Variants in EMILIN2 observed in about 807,000 individuals in gnomAD.
The protein encoded by EMILIN2 is EMILIN-2.
EMILIN2 carries 71 observed loss-of-function variants against 87.1 expected under a neutral mutation model. That is an observed-to-expected ratio of 0.82 (90% CI 0.67 to 0.99). EMILIN2 has a LOEUF of 0.99. Among genes scored for constraint, EMILIN2 ranks in the 50% least tolerant of loss-of-function variants. The probability of loss-of-function intolerance (pLI) is 0.00; values close to 1 mark genes in which losing one functional copy is unlikely to be tolerated. For missense variants in EMILIN2, 1,407 were observed against 1,371.8 expected, an observed-to-expected ratio of 1.03 and a Z score of -0.40; for synonymous variants, 581 against 563.4, an observed-to-expected ratio of 1.03 and a Z score of -0.44.
At position 2,876,388 on chromosome 18, in the gene EMILIN2, A is replaced by T. The variant is rs552456460; in HGVS notation, c.258-8576A>T. 2.0e-5 allele frequency among the ~76,000 whole-genome samples: 3 copies of T among 152,306 alleles called. No homozygotes were observed. In the East Asian group the frequency reaches 5.8e-4, roughly 29 times the overall value. On this transcript the variant is annotated intron_variant, in intron 2 of 7. Transcript: ENST00000254528. ...TACAATTGTGATTTCTCCAGCAGAT[A>T]TATCTTTTGTACTGGGAAACAGTCT...
Position 2,906,787 on chromosome 18 carries a change from G to T in EMILIN2, c.2364G>T (p.Ala788=). ...TTTCTCCCCGACGCCCGGCAGAGGC[G>T]CCCTCGCCCCCGCCGCCCGCAGAGG... ...DLVKFQPSAK[A]PSPPPPAEAP... is the part of the protein sequence containing the mutation. Residue 788 remains alanine, a synonymous_variant, in exon 5 of 8, where the codon GCG becomes GCT. Transcript: ENST00000254528. 1 of 1,262,878 alleles carries T rather than the reference G, an allele frequency of 7.9e-7. No homozygotes were observed. The highest frequency in any genetic ancestry group is 1.6e-5 in the African/African-American group (1 of 62,916). 78.2% of individuals were successfully genotyped at this position (1,262,878 alleles called of 1,614,324 possible).
chr18:2,862,075 A>G (rs1226389664), intron 2 of EMILIN2, among the ~76,000 whole-genome samples: 2 of 152,212 alleles, frequency 1.3e-5, no homozygotes, highest in East Asian at 1.9e-4. Flanking sequence ...ATTTTTGCAC[A>G]TTGATTTTGT....
intron 2 of EMILIN2, among the ~76,000 whole-genome samples, chr18:2,871,945 T>C (rs544536404): frequency 6.6e-6 from 1 of 152,314 alleles, no homozygotes; most frequent in South Asian, 2.1e-4. Flanking sequence ...TTTCAATGTC[T>C]GGGGGGCAAA....
At position 2,915,154 on chromosome 18, in the gene EMILIN2, T is replaced by C. The variant is rs888601506; in HGVS notation, c.*1750T>C. On this transcript the variant is annotated 3_prime_UTR_variant, in exon 8 of 8. Coordinates refer to ENST00000254528, the MANE Select transcript of EMILIN2 (RefSeq NM_032048.3). ...GATGACTACCTGCTGCTTTCCCTACTCCGTAGATGGGTCTGGAACATCGGG... is the reference window on the plus strand; with the variant it reads ...GATGACTACCTGCTGCTTTCCCTACCCCGTAGATGGGTCTGGAACATCGGG... 8.5e-5 allele frequency: 13 copies of C among 152,244 alleles called. No individual in the cohort carries two copies. Among genetic ancestry groups the C allele is most frequent in the African/African-American group, 3.1e-4 (13 of 41,446 alleles). 9.4% of individuals were successfully genotyped at this position (152,244 alleles called of 1,614,324 possible).
At chr18:2,869,677 C>T (rs2076708863) in intron 2 of EMILIN2, among the ~76,000 whole-genome samples, 1 of 151,966 alleles carries the variant, frequency 6.6e-6, no homozygotes, top group South Asian at 2.1e-4. Flanking sequence ...AAGTGATCCT[C>T]CCACCTCAGC....
At chr18:2,853,785 A>G (rs911505553) in intron 2 of EMILIN2, among the ~76,000 whole-genome samples, 2 of 152,284 alleles carry the variant, frequency 1.3e-5, no homozygotes, top group Non-Finnish European at 2.9e-5. Context: ...TGTGATGCCT[A>G]CCGCAGCGGG....
In EMILIN2 at chr18:2,891,986, ATGATG is replaced by A; in HGVS notation, c.1863_1867del (p.Val622SerfsTer10). The stretch of plus-strand genomic sequence containing the variant: ...TATTCTCAATTAAACCACACAGAAA[ATGATG>A]TGACTCATCTTCAAAAGGAAATGAG... On this transcript the variant is annotated frameshift_variant, in exon 4 of 8. Transcript: ENST00000254528. LOFTEE classifies it high-confidence loss of function. This position sits in a 1 kb window ranked among gnomAD's most constrained non-coding sequence, Gnocchi z 4.6. The A allele has an allele frequency of 6.2e-7, 1 of 1,614,206 alleles. No individual in the cohort carries two copies. Among genetic ancestry groups the A allele is most frequent in the Non-Finnish European group, 8.5e-7 (1 of 1,180,044 alleles).
intron 2 of EMILIN2, among the ~76,000 whole-genome samples, chr18:2,858,109 C>T (rs542745776): frequency 5.3e-5 from 8 of 152,140 alleles, no homozygotes; most frequent in African/African-American, 1.9e-4. Flanking sequence ...GAATCATTAC[C>T]GGAAAATGAG....
chr18:2,905,889 G>A (rs1036536197), intron 4 of EMILIN2, among the ~76,000 whole-genome samples: 5 of 151,894 alleles, frequency 3.3e-5, no homozygotes, highest in African/African-American at 1.2e-4. Context: ...CTCCCAAAGT[G>A]CTGGGATTAC....
rs370782008 is a variant in EMILIN2, at chr18:2,891,181, C to T, written c.1054C>T (p.Gln352Ter). ...NSCEYKLTGL[Q>*]QQCDDYGSSY... ...ATGTGAGTACAAGCTCACTGGCCTC[C>T]AGCAGCAGTGTGATGACTATGGGAG... Residue 352 changes from glutamine (Q) to a stop codon, truncating the protein, a stop_gained, in exon 4 of 8, where the codon CAG (glutamine) becomes TAG (stop). Transcript: ENST00000254528. LOFTEE classifies it high-confidence loss of function. The surrounding 1 kb of genome is among the most constrained non-coding windows in gnomAD (Gnocchi z 4.6). 5 of 1,614,116 alleles carry T rather than the reference C, an allele frequency of 3.1e-6. No homozygotes were observed. Among genetic ancestry groups the T allele is most frequent in the Non-Finnish European group, 4.2e-6 (5 of 1,180,056 alleles).
Position 2,877,792 on chromosome 18 carries a change from A to G in EMILIN2, c.258-7172A>G, listed in dbSNP as rs1598493423. 2.7e-5 allele frequency among the ~76,000 whole-genome samples: 4 copies of G among 146,802 alleles called. 1 individual carries two copies. The highest frequency in any genetic ancestry group is 2.7e-4 in the Admixed American group (4 of 15,044). On this transcript the variant is annotated intron_variant, in intron 2 of 7. Coordinates refer to ENST00000254528, the MANE Select transcript of EMILIN2 (RefSeq NM_032048.3). ...CATTCCATCTCAAAAAAAAAAAAAA[A>G]GAAAGAAAACCAGTCCACTGTCTTG...
At chr18:2,852,074 A>T (rs892651458) in intron 2 of EMILIN2, among the ~76,000 whole-genome samples, 10 of 152,158 alleles carry the variant, frequency 6.6e-5, no homozygotes, top group Non-Finnish European at 1.5e-4. Flanking sequence ...GTTGCACAGT[A>T]CTCAACTACT....
intron 2 of EMILIN2, among the ~76,000 whole-genome samples, chr18:2,850,706 T>C (rs958129306): frequency 6.6e-6 from 1 of 152,038 alleles, no homozygotes; most frequent in Non-Finnish European, 1.5e-5. Flanking sequence ...GGGCTGGAGG[T>C]TGGCCGAGAT....
intron 3 of EMILIN2, among the ~76,000 whole-genome samples, chr18:2,887,551 T>C (rs1568471672): frequency 1.3e-5 from 2 of 152,100 alleles, no homozygotes; most frequent in South Asian, 4.1e-4. Context: ...CCTTCCCTCT[T>C]GCTCCCTCTC....
intron 2 of EMILIN2, among the ~76,000 whole-genome samples, chr18:2,849,540 G>A (rs893210339): frequency 1.3e-5 from 2 of 152,198 alleles, no homozygotes; most frequent in African/African-American, 4.8e-5. Context: ...TGTCAGTGGG[G>A]AGTGAATCGC....
At chr18:2,909,967 C>A in intron 7 of EMILIN2, 148 bp downstream of exon 7, 2 of 1,043,972 alleles carry the variant, frequency 1.9e-6, no homozygotes, top group Non-Finnish European at 2.7e-6. Context: ...GCCTGCACTC[C>A]TCTGCCCGAC....
At chr18:2,876,678 A>G (rs1384624858) in intron 2 of EMILIN2, among the ~76,000 whole-genome samples, 1 of 150,538 alleles carries the variant, frequency 6.6e-6, no homozygotes, top group Non-Finnish European at 1.5e-5. Context: ...AGGCAGGAGA[A>G]TGGCGTGAAC....
In EMILIN2 at chr18:2,848,926, T is replaced by C. The variant is rs1419233868; in HGVS notation, c.257+995T>C. Among the ~76,000 whole-genome samples the C allele has an allele frequency of 6.6e-6, 1 of 152,156 alleles. No individual in the cohort carries two copies. On this transcript the variant is annotated intron_variant, in intron 2 of 7. Transcript: ENST00000254528. This position sits in a 1 kb window ranked among gnomAD's most constrained non-coding sequence, Gnocchi z 4.1. ...CAGAGAACAGTAGATGAGCCTGTAG[T>C]CTTATGGGAAGTGGTCGCTGGGTCC...
At chr18:2,887,831 G>A (rs754868674) in intron 3 of EMILIN2, among the ~76,000 whole-genome samples, 18 of 152,102 alleles carry the variant, frequency 1.2e-4, no homozygotes, top group Admixed American at 4.6e-4. Context: ...TAGAGACAGG[G>A]TCTTGCTCTG....
Sources: allele counts gnomAD v4.1 joint callset (sites outside exome capture counted in the v4.1 genomes callset), GRCh38; gene constraint gnomAD v4.1.1; non-coding constraint Gnocchi (gnomAD v3.1); transcripts MANE v1.5; gene names NCBI Gene and HGNC (gene_info 2026-07-23, HGNC 2026-07-21).